Variants in HSPG2 observed in about 807,000 individuals in gnomAD.
The protein encoded by HSPG2 is heparan sulfate proteoglycan 2.
Under a neutral mutation model 526.6 loss-of-function variants are expected in HSPG2, and 278 were observed. That is an observed-to-expected ratio of 0.53 (90% confidence interval 0.48 to 0.58). The LOEUF is 0.58. HSPG2 is among the 20% of genes least tolerant of loss of function. The probability of loss-of-function intolerance (pLI) is 0.00; values close to 1 mark genes in which losing one functional copy is unlikely to be tolerated. For missense variants in HSPG2, 5,354 were observed against 6,099.5 expected, an observed-to-expected ratio of 0.88 and a Z score of 4.07; for synonymous variants, 2,465 against 2,555.4, an observed-to-expected ratio of 0.96 and a Z score of 1.07.
chr1:21,878,550 C>G, intron 19 of HSPG2, 27 bp downstream of exon 19: 1 of 1,613,988 alleles, frequency 6.2e-7, no homozygotes, highest in Non-Finnish European at 8.5e-7. Context: ...GAGCCCCCTT[C>G]CTGCAGCCCC....
chr1:21,831,319 C>T lies in HSPG2; in HGVS notation c.11458G>A (p.Val3820Ile). ...TCGCCCTGGATGCGCAGCTCCCGGA[C>T]ACAGCCTGGGAGGTGAGTGGGCAGG... ...AGLSSGFIGC[V>I]RELRIQGEEI... Residue 3820 changes from valine (V) to isoleucine (I), a missense_variant, in exon 84 of 97, where the codon GTC becomes ATC. Physicochemically the swap from Val to Ile is conservative, Grantham distance 29. Coordinates refer to ENST00000374695, the MANE Select transcript of HSPG2 (RefSeq NM_005529.7). 3 of 1,614,030 alleles carry T rather than the reference C, an allele frequency of 1.9e-6. No homozygotes were observed. The highest frequency in any genetic ancestry group is 2.5e-6 in the Non-Finnish European group (3 of 1,179,934).
At chr1:21,863,959 C>T (rs1640025605) in intron 37 of HSPG2, 141 bp downstream of exon 37, 2 of 700,768 alleles carry the variant, frequency 2.9e-6, no homozygotes, top group Non-Finnish European at 5.2e-6. Flanking sequence ...GGTGACCTGG[C>T]CTGCTGACCC....
At position 21,887,552 on chromosome 1, in the gene HSPG2, G is replaced by C. The variant is rs767902516; in HGVS notation, c.826C>G (p.Leu276Val). The C allele has an allele frequency of 2.3e-5, 37 of 1,614,036 alleles. No individual in the cohort carries two copies. Among genetic ancestry groups the C allele is most frequent in the Non-Finnish European group, 3.0e-5 (35 of 1,180,026 alleles). ...PPVTHAPQPL[L>V]PGSVRPLPCG... is the part of the protein sequence containing the mutation. ...GGCAGGGGCCTGACGGAACCGGGAAGCAGGGGCTGAGGAGCGTGGGTGACT... is the reference window on the plus strand; with the variant it reads ...GGCAGGGGCCTGACGGAACCGGGAACCAGGGGCTGAGGAGCGTGGGTGACT... The change falls in exon 8 of 97, where the codon CTT becomes GTT. Residue 276 changes from leucine to valine, a missense_variant. Coordinates refer to ENST00000374695, the MANE Select transcript of HSPG2 (RefSeq NM_005529.7). This position sits in a 1 kb window ranked among gnomAD's most constrained non-coding sequence, Gnocchi z 5.0.
In HSPG2 at chr1:21,919,212, G is replaced by T. The variant is rs370829614; in HGVS notation, c.63+17943C>A. On this transcript the variant is annotated intron_variant, in intron 1 of 96. Transcript: ENST00000374695. ...CAACCAAGGCTGGCGGATCACTTGA[G>T]GTCGGGAGTTTGAGACCAGCCTGGC... 1.3e-4 allele frequency among the ~76,000 whole-genome samples: 20 copies of T among 152,330 alleles called. No homozygotes were observed. In the South Asian group the frequency reaches 4.1e-3, roughly 32 times the overall value.
intron 39 of HSPG2, among the ~76,000 whole-genome samples, chr1:21,860,554 C>T (rs890639588): frequency 1.3e-5 from 2 of 151,892 alleles, no homozygotes; most frequent in African/African-American, 2.4e-5. Flanking sequence ...TGCAGTGGTG[C>T]GATCTCGGCT....
chr1:21,923,412 A>T lies in HSPG2; in HGVS notation c.63+13743T>A, dbSNP rs117443531. Among the ~76,000 whole-genome samples, 2,105 of 152,252 alleles carry T rather than the reference A, an allele frequency of 0.014. 87 individuals carry two copies. The East Asian group carries it at 0.17, about 12-fold the overall frequency. On this transcript the variant is annotated intron_variant, in intron 1 of 96. Coordinates refer to ENST00000374695, the MANE Select transcript of HSPG2 (RefSeq NM_005529.7). ...CAGAGCAAGACTCCGTCTCAAAAAAAAAAATAAAATAAAATAACCAGACTC... is the reference window on the plus strand; with the variant it reads ...CAGAGCAAGACTCCGTCTCAAAAAATAAAATAAAATAAAATAACCAGACTC...
Position 21,828,218 on chromosome 1 carries a change from G to T in HSPG2, c.12409+37C>A, listed in dbSNP as rs758492732. 4.3e-6 allele frequency: 7 copies of T among 1,612,948 alleles called. No individual in the cohort carries two copies. Among genetic ancestry groups the T allele is most frequent in the Non-Finnish European group, 5.9e-6 (7 of 1,179,910 alleles). Reference sequence around the variant, plus strand: ...GCTGGAGGTGTCGCTGACCACCTGTGCCCCTCCCCTCCGGTGCCCTGGGCA... The same window carrying T: ...GCTGGAGGTGTCGCTGACCACCTGTTCCCCTCCCCTCCGGTGCCCTGGGCA... On this transcript the variant is annotated intron_variant, in intron 89 of 96. Transcript: ENST00000374695. The surrounding 1 kb of genome is among the most constrained non-coding windows in gnomAD (Gnocchi z 6.0).
chr1:21,923,784 A>G (rs1644109367), intron 1 of HSPG2, among the ~76,000 whole-genome samples: 1 of 141,890 alleles, frequency 7.0e-6, no homozygotes, highest in African/African-American at 2.5e-5. Flanking sequence ...CAAGCTCCAT[A>G]AGCCCACGGT....
At chr1:21,829,341 G>A (rs758142344) in intron 87 of HSPG2, 42 bp downstream of exon 87, 3 of 1,586,498 alleles carry the variant, frequency 1.9e-6, no homozygotes, top group Non-Finnish European at 2.6e-6. Flanking sequence ...GGGGGCACAA[G>A]GCTTGGTGTG....
chr1:21,933,251 A>G (rs1175587713), intron 1 of HSPG2, among the ~76,000 whole-genome samples: 1 of 151,804 alleles, frequency 6.6e-6, no homozygotes, highest in African/African-American at 2.4e-5. Flanking sequence ...AAAAGAAACA[A>G]AGACTGGTAT....
At chr1:21,866,452 C>A (rs1362626383) in intron 33 of HSPG2, among the ~76,000 whole-genome samples, 1 of 152,220 alleles carries the variant, frequency 6.6e-6, no homozygotes, top group Admixed American at 6.5e-5. Context: ...ACAAGTAACC[C>A]GTGCACTTAT....
Position 21,895,078 on chromosome 1 carries a change from C to A in HSPG2, c.244+844G>T, listed in dbSNP as rs1362089204. 6.6e-6 allele frequency among the ~76,000 whole-genome samples: 1 copy of A among 152,212 alleles called. No individual in the cohort carries two copies. The highest frequency in any genetic ancestry group is 1.5e-5 in the Non-Finnish European group (1 of 68,028). ...GGTGACTCCACCCCTGAAGTAGGCC[C>A]AGGCCAGATTTGGCCAAGGCCTGCC... On this transcript the variant is annotated intron_variant, in intron 3 of 96. Coordinates refer to ENST00000374695, the MANE Select transcript of HSPG2 (RefSeq NM_005529.7). The surrounding 1 kb of genome is among the most constrained non-coding windows in gnomAD (Gnocchi z 4.1).
chr1:21,835,270 C>T lies in HSPG2; in HGVS notation c.10453+270G>A, dbSNP rs543812846. 793 of 595,464 alleles carry T rather than the reference C, an allele frequency of 1.3e-3. 8 individuals are homozygous for T. In the South Asian group the frequency reaches 0.014, roughly 11 times the overall value. 36.9% of individuals were successfully genotyped at this position (595,464 alleles called of 1,614,324 possible). A position where few individuals can be genotyped will look rare whatever the true frequency, so the allele number is the denominator to read the frequency against. The stretch of plus-strand genomic sequence containing the variant: ...TCCTGAGTAGGTGGGACTACAGGTG[C>T]GTTCCACCATGCCCGGTTCACACTG... On this transcript the variant is annotated intron_variant, in intron 76 of 96. Transcript: ENST00000374695.
At position 21,824,825 on chromosome 1, in the gene HSPG2, C is replaced by T. The variant is rs769073036; in HGVS notation, c.12590-46G>A. On this transcript the variant is annotated intron_variant, in intron 91 of 96. Transcript: ENST00000374695. The surrounding 1 kb of genome is among the most constrained non-coding windows in gnomAD (Gnocchi z 5.9). Reference sequence around the variant, plus strand: ...GTGCCATACCTGCTGCATCAGGCATCAAAATCCCCCGTCAGTTCCCCTGAC... The same window carrying T: ...GTGCCATACCTGCTGCATCAGGCATTAAAATCCCCCGTCAGTTCCCCTGAC... The T allele has an allele frequency of 1.0e-4, 156 of 1,539,116 alleles. No individual in the cohort carries two copies. Among genetic ancestry groups the T allele is most frequent in the Non-Finnish European group, 1.3e-4 (147 of 1,125,112 alleles).
intron 67 of HSPG2, 56 bp downstream of exon 67, chr1:21,842,714 C>A: frequency 6.2e-7 from 1 of 1,608,248 alleles, no homozygotes; most frequent in African/African-American, 1.3e-5. Flanking sequence ...GTACAGAAAG[C>A]AACTGCAGGT....
At chr1:21,875,143 G>A in intron 25 of HSPG2, 141 bp from the exon 26 acceptor site, 2 of 706,204 alleles carry the variant, frequency 2.8e-6, no homozygotes, top group Non-Finnish European at 5.1e-6. Context: ...ATCTCCAGAG[G>A]CTGCGAGGAC....
At chr1:21,917,681 T>C (rs1042637656) in intron 1 of HSPG2, among the ~76,000 whole-genome samples, 4 of 152,146 alleles carry the variant, frequency 2.6e-5, no homozygotes, top group African/African-American at 4.8e-5. Flanking sequence ...TCTAGGCCTT[T>C]AGTCATGTGG....
rs1641215840 is a variant in HSPG2 at position 21,878,035 on chromosome 1, C to T, written c.2685+151G>A. 18 of 688,978 alleles carry T rather than the reference C, an allele frequency of 2.6e-5. 1 individual carries two copies. The highest frequency in any genetic ancestry group is 2.0e-4 in the South Asian group (11 of 54,908). 42.7% of individuals were successfully genotyped at this position (688,978 alleles called of 1,614,324 possible). On this transcript the variant is annotated intron_variant, in intron 21 of 96. Transcript: ENST00000374695. ...CAACGCCAGGCCACCTGTCCTGGTA[C>T]GGAAGGCCGGTGGGCCAGGTCCACC...
Position 21,865,179 on chromosome 1 carries a change from AG to A in HSPG2, c.4395+105del, listed in dbSNP as rs1640128359. On this transcript the variant is annotated intron_variant, in intron 35 of 96. Transcript: ENST00000374695. The surrounding 1 kb of genome is among the most constrained non-coding windows in gnomAD (Gnocchi z 5.4). ...TTACAGGCACTGACTGAGGGCTGCC[AG>A]GTGAAGGTTGGGGAGCGAGAGACAG... 2 of 1,514,668 alleles carry A rather than the reference AG, an allele frequency of 1.3e-6. No homozygotes were observed. Among genetic ancestry groups the A allele is most frequent in the East Asian group, 4.5e-5 (2 of 44,374 alleles). 93.8% of individuals were successfully genotyped at this position (1,514,668 alleles called of 1,614,324 possible). A position where few individuals can be genotyped will look rare whatever the true frequency, so the allele number is the denominator to read the frequency against.
Sources: gnomAD v4.1 joint callset for allele counts (sites outside exome capture counted in the v4.1 genomes callset) on GRCh38, gnomAD v4.1.1 for gene constraint, Gnocchi (gnomAD v3.1) non-coding constraint, MANE v1.5 for transcripts, NCBI Gene and HGNC (gene_info 2026-07-23, HGNC 2026-07-21) for gene names.